The following ASCC3 variants were observed in gnomAD, a reference collection of about 807,000 sequenced individuals.
The protein encoded by ASCC3 is activating signal cointegrator 1 complex subunit 3.
Under a neutral mutation model 256.3 loss-of-function variants are expected in ASCC3, and 158 were observed. That is an observed-to-expected ratio of 0.62 (90% confidence interval 0.54 to 0.70). The LOEUF (loss-of-function observed/expected upper bound fraction) is 0.70, where lower values mean the gene tolerates loss of function less well. ASCC3 is among the 30% of genes least tolerant of loss of function. ASCC3 has a pLI of 0.00. For missense variants in ASCC3, 2,259 were observed against 2,626.0 expected (o/e 0.86, Z 3.05); for synonymous variants, 948 against 883.4 (o/e 1.07, Z -1.30).
intron 36 of ASCC3, among the ~76,000 whole-genome samples, chr6:100,571,475 T>C (rs1240052359): frequency 6.6e-6 from 1 of 152,226 alleles, no homozygotes; most frequent in South Asian, 2.1e-4. Context: ...ATAAGGTCCA[T>C]GAGTGCTGGA....
At chr6:100,873,568 A>G (rs762880179) in intron 1 of ASCC3, among the ~76,000 whole-genome samples, 2 of 152,150 alleles carry the variant, frequency 1.3e-5, no homozygotes, top group African/African-American at 2.4e-5. Flanking sequence ...GCCTAGGCAC[A>G]CTGTCATCAG....
At chr6:100,696,437 T>C (rs1331324524) in intron 13 of ASCC3, among the ~76,000 whole-genome samples, 1 of 152,116 alleles carries the variant, frequency 6.6e-6, no homozygotes, top group Non-Finnish European at 1.5e-5. Context: ...TTTTATCAAA[T>C]GATTTCTCTA....
At chr6:100,773,168 G>C (rs186626075) in intron 8 of ASCC3, among the ~76,000 whole-genome samples, 61 of 152,170 alleles carry the variant, frequency 4.0e-4, no homozygotes, top group African/African-American at 1.3e-3. Flanking sequence ...TCTTTAATTA[G>C]ATAATATTTA....
In ASCC3 at chr6:100,875,542, C is replaced by T. The variant is rs1455425173; in HGVS notation, c.-42+5519G>A. 2.0e-5 allele frequency among the ~76,000 whole-genome samples: 3 copies of T among 152,072 alleles called. No individual in the cohort carries two copies. The South Asian group carries it at 6.2e-4, about 32-fold the overall frequency. ...TGGACCCTCTTCCTAAGAAAACAGA[C>T]ATACATACATATAAACAACATTTTG... On this transcript the variant is annotated intron_variant, in intron 1 of 41. Coordinates refer to ENST00000369162, the MANE Select transcript of ASCC3 (RefSeq NM_006828.4).
At chr6:100,801,185 C>A (rs2114347522) in intron 5 of ASCC3, among the ~76,000 whole-genome samples, 1 of 152,128 alleles carries the variant, frequency 6.6e-6, no homozygotes, top group African/African-American at 2.4e-5. Flanking sequence ...AATGTTCTTC[C>A]AACAGGATTA....
chr6:100,832,009 G>A (rs541493592), intron 4 of ASCC3, among the ~76,000 whole-genome samples: 1 of 152,168 alleles, frequency 6.6e-6, no homozygotes. Context: ...TCGAATGCAA[G>A]ACAGAAGTAA....
chr6:100,812,128 A>G (rs1194526722), intron 4 of ASCC3, among the ~76,000 whole-genome samples: 1 of 152,222 alleles, frequency 6.6e-6, no homozygotes, highest in African/African-American at 2.4e-5. Flanking sequence ...CATCTCCACT[A>G]AAATAATTTA....
chr6:100,809,119 C>G (rs979169453), intron 4 of ASCC3, among the ~76,000 whole-genome samples: 2 of 151,846 alleles, frequency 1.3e-5, no homozygotes, highest in Admixed American at 6.6e-5. Context: ...TGTTAATGTA[C>G]TACCGTAGAC....
In ASCC3 at chr6:100,767,163, G is replaced by C; in HGVS notation, c.1578C>G (p.Ile526Met). ...TACTTACCTTAAATTCATTCTTTTT[G>C]ATAACACCTTGTTGAAAATGTTGGC... ...EIRQHFQQGV[I>M]KKNEFKIVYV... Residue 526 changes from isoleucine (I) to methionine (M), a missense_variant, in exon 9 of 42, where the codon ATC (isoleucine) becomes ATG (methionine). Physicochemically the swap from Ile to Met is conservative, Grantham distance 10. This residue lies in a region of ASCC3 where 1,839 missense variants were observed against 2,206.7 expected (regional missense o/e 0.83). Coordinates refer to ENST00000369162, the MANE Select transcript of ASCC3 (RefSeq NM_006828.4). The C allele has an allele frequency of 6.2e-7, 1 of 1,613,870 alleles. No individual in the cohort carries two copies. Among genetic ancestry groups the C allele is most frequent in the South Asian group, 1.1e-5 (1 of 91,052 alleles).
intron 36 of ASCC3, among the ~76,000 whole-genome samples, chr6:100,548,295 AT>A (rs953733779): frequency 1.2e-4 from 19 of 152,080 alleles, no homozygotes; most frequent in African/African-American, 4.3e-4. Context: ...AACAACTGGA[AT>A]ATTCTACTAT....
In ASCC3 at chr6:100,812,433, T is replaced by C. The variant is rs187202183; in HGVS notation, c.802-6553A>G. Among the ~76,000 whole-genome samples, 3 of 151,218 alleles carry C rather than the reference T, an allele frequency of 2.0e-5. No individual in the cohort carries two copies. In the East Asian group the frequency reaches 5.8e-4, roughly 29 times the overall value. On this transcript the variant is annotated intron_variant, in intron 4 of 41. Coordinates refer to ENST00000369162, the MANE Select transcript of ASCC3 (RefSeq NM_006828.4). ...ACTAAAGAGAACCGTGATTAAAGAA[T>C]TAAACAATGACCAAAGAAATAAACA...
intron 36 of ASCC3, among the ~76,000 whole-genome samples, chr6:100,557,535 CTA>C (rs1160499818): frequency 6.6e-6 from 1 of 151,834 alleles, no homozygotes; most frequent in Non-Finnish European, 1.5e-5. Context: ...TGTTTAAAGT[CTA>C]TTTTGACTGA....
At chr6:100,754,083 T>C (rs1005408869) in intron 10 of ASCC3, among the ~76,000 whole-genome samples, 1 of 152,204 alleles carries the variant, frequency 6.6e-6, no homozygotes, top group Non-Finnish European at 1.5e-5. Context: ...TTAATGTATT[T>C]TAGCAATTTG....
chr6:100,787,492 A>C (rs1769142705), intron 8 of ASCC3, among the ~76,000 whole-genome samples: 1 of 152,162 alleles, frequency 6.6e-6, no homozygotes, highest in Admixed American at 6.6e-5. Context: ...ATGGAATCCC[A>C]GTTAAAATCT....
At chr6:100,755,901 C>A (rs1335000896) in intron 10 of ASCC3, among the ~76,000 whole-genome samples, 4 of 151,948 alleles carry the variant, frequency 2.6e-5, no homozygotes, top group Admixed American at 2.6e-4. Flanking sequence ...AACTTCCAAA[C>A]TCTATAGAAG....
At chr6:100,539,867 C>T (rs192068370) in intron 37 of ASCC3, among the ~76,000 whole-genome samples, 2 of 151,740 alleles carry the variant, frequency 1.3e-5, no homozygotes, top group South Asian at 2.1e-4. Context: ...AGTGAAAGTC[C>T]GTTAACAGAA....
intron 14 of ASCC3, among the ~76,000 whole-genome samples, chr6:100,665,314 AT>A (rs1488028101): frequency 1.3e-5 from 2 of 152,024 alleles, no homozygotes; most frequent in East Asian, 3.9e-4. Context: ...CATTTTTTTT[AT>A]TGGTTCATTA....
chr6:100,687,454 C>T (rs543682665), intron 13 of ASCC3, among the ~76,000 whole-genome samples: 18 of 152,106 alleles, frequency 1.2e-4, no homozygotes, highest in South Asian at 1.0e-3. Flanking sequence ...CTCCACCTCC[C>T]GGGTTCAAGA....
intron 8 of ASCC3, among the ~76,000 whole-genome samples, chr6:100,789,767 T>C (rs1008884601): frequency 2.0e-5 from 3 of 151,954 alleles, no homozygotes; most frequent in East Asian, 1.9e-4. Context: ...GAAGAAATCA[T>C]GAAAGCTGTG....
Sources: allele counts gnomAD v4.1 joint callset (sites outside exome capture counted in the v4.1 genomes callset), GRCh38; gene constraint gnomAD v4.1.1; regional missense constraint gnomAD v4.1.1; transcripts MANE v1.5; gene names NCBI Gene and HGNC (gene_info 2026-07-23, HGNC 2026-07-21).